CFLAR: variants seen among roughly 807,000 people sequenced by gnomAD.
CFLAR encodes the protein CASP8 and FADD-like apoptosis regulator.
Under a neutral mutation model 51.1 loss-of-function variants are expected in CFLAR, and 14 were observed. The observed-to-expected ratio is 0.27, with a 90% CI of 0.18 to 0.43. The LOEUF is 0.43. CFLAR is among the 20% of genes least tolerant of loss of function. CFLAR has a pLI of 1.00. For missense variants in CFLAR, 390 were observed against 566.5 expected, an observed-to-expected ratio of 0.69 and a Z score of 3.16; for synonymous variants, 210 against 211.6, an observed-to-expected ratio of 0.99 and a Z score of 0.06.
chr2:201,133,928 C>CAAAAA (rs1267307823), intron 3 of CFLAR, among the ~76,000 whole-genome samples: 3 of 49,836 alleles, frequency 6.0e-5, no homozygotes, highest in Admixed American at 2.7e-4. Flanking sequence ...GACTCCATCT[C>CAAAAA]AAAAAAAAAA....
chr2:201,176,283 G>GC lies in CFLAR; in HGVS notation c.*12310_*12311insC, dbSNP rs374218519. 8 of 127,428 alleles carry GC rather than the reference G, an allele frequency of 6.3e-5. No homozygotes were observed. Among genetic ancestry groups the GC allele is most frequent in the Admixed American group, 6.0e-4 (8 of 13,358 alleles). The allele number at this position is 127,428 out of a possible 1,614,324, so 7.9% of individuals were successfully genotyped here. A position where few individuals can be genotyped will look rare whatever the true frequency, so the allele number is the denominator to read the frequency against. On this transcript the variant is annotated 3_prime_UTR_variant, in exon 10 of 10. Coordinates refer to ENST00000309955, the MANE Select transcript of CFLAR (RefSeq NM_003879.7). ...GTCTCAGGTGTTTTCTATTGCGGGG[G>GC]GGGGGGGCGGGCGGGGGAGCTGCCT...
At position 201,135,550 on chromosome 2, in the gene CFLAR, C is replaced by T. The variant is rs537603096; in HGVS notation, c.388-422C>T. ...TCTGGTTTAAGATCACTGAAGGTCA[C>T]TGAAAGGGCTCATCTTGTCACATTT... On this transcript the variant is annotated intron_variant, in intron 3 of 9. Coordinates refer to ENST00000309955, the MANE Select transcript of CFLAR (RefSeq NM_003879.7). Among the ~76,000 whole-genome samples the T allele has an allele frequency of 8.5e-4, 130 of 152,274 alleles. 1 individual carries two copies. Among genetic ancestry groups the T allele is most frequent in the Non-Finnish European group, 1.1e-3 (78 of 68,024 alleles).
chr2:201,117,821 T>C (rs2881928), intron 1 of CFLAR, among the ~76,000 whole-genome samples: 45,733 of 149,196 alleles, frequency 0.31, 9,835 homozygotes, highest in African/African-American at 0.61. Flanking sequence ...AATGGCACTA[T>C]CTCTGCTCAC....
At position 201,173,034 on chromosome 2, in the gene CFLAR, T is replaced by C. The variant is rs1199674867; in HGVS notation, c.*9061T>C. ...CCACCAGCAGTGTATGAGGTTTTTT[T>C]TATTTTTTTGTTTTTGAGACGGAGT... On this transcript the variant is annotated 3_prime_UTR_variant, in exon 10 of 10. Transcript: ENST00000309955. 1 of 152,238 alleles carries C rather than the reference T, an allele frequency of 6.6e-6. No homozygotes were observed. The highest frequency in any genetic ancestry group is 1.9e-4 in the East Asian group (1 of 5,198). The allele number at this position is 152,238 out of a possible 1,614,324, so 9.4% of individuals were successfully genotyped here. A position where few individuals can be genotyped will look rare whatever the true frequency, so the allele number is the denominator to read the frequency against.
rs1479783976 is a variant in CFLAR at position 201,118,310 on chromosome 2, G to T, written c.-138+1829G>T. Among the ~76,000 whole-genome samples, 3 of 152,148 alleles carry T rather than the reference G, an allele frequency of 2.0e-5. No homozygotes were observed. Among genetic ancestry groups the T allele is most frequent in the Non-Finnish European group, 2.9e-5 (2 of 68,026 alleles). On this transcript the variant is annotated intron_variant, in intron 1 of 9. Transcript: ENST00000309955. This position sits in a 1 kb window ranked among gnomAD's most constrained non-coding sequence, Gnocchi z 5.1. ...CCAAGGTGAAGCCATTTGCAGGGTC[G>T]CTGGGTTTCCCCCTCCCCCCGAAAG... is the stretch of plus-strand genomic sequence containing the variant.
intron 9 of CFLAR, chr2:201,162,757 C>T (rs1943187675): frequency 2.6e-6 from 1 of 386,216 alleles, no homozygotes; most frequent in South Asian, 2.4e-5. Context: ...CACTCACAGC[C>T]TGCCATCACT....
intron 9 of CFLAR, among the ~76,000 whole-genome samples, chr2:201,161,410 AT>A (rs71954106): frequency 2.1e-4 from 22 of 104,402 alleles, no homozygotes; most frequent in Non-Finnish European, 4.1e-4. Flanking sequence ...AAATTTATTT[AT>A]TTTTATTTAT....
chr2:201,160,141 C>T (rs1942830351), intron 8 of CFLAR, among the ~76,000 whole-genome samples: 1 of 152,074 alleles, frequency 6.6e-6, no homozygotes, highest in South Asian at 2.1e-4. Flanking sequence ...AGGTTTTGTC[C>T]CCCCTTGGTT....
rs1169728209 is a variant in CFLAR at position 201,118,645 on chromosome 2, A to C, written c.-138+2164A>C. 6.6e-6 allele frequency: 1 copy of C among 152,000 alleles called. No individual in the cohort carries two copies. The highest frequency in any genetic ancestry group is 1.5e-5 in the Non-Finnish European group (1 of 68,000). 9.4% of individuals were successfully genotyped at this position (152,000 alleles called of 1,614,324 possible). A position where few individuals can be genotyped will look rare whatever the true frequency, so the allele number is the denominator to read the frequency against. ...GGGAATTCCGCAGACAGGATTCTAG[A>C]ATTTATGTCTTGTGTGGTAACATTT... On this transcript the variant is annotated intron_variant, in intron 1 of 9. Coordinates refer to ENST00000309955, the MANE Select transcript of CFLAR (RefSeq NM_003879.7). The surrounding 1 kb of genome is among the most constrained non-coding windows in gnomAD (Gnocchi z 5.1).
chr2:201,133,891 A>G (rs1327268763), intron 3 of CFLAR, among the ~76,000 whole-genome samples: 1 of 144,332 alleles, frequency 6.9e-6, no homozygotes, highest in Non-Finnish European at 1.5e-5. Flanking sequence ...AGATGGCGCC[A>G]CTGCACTCCA....
At chr2:201,117,750 CTTTTTTTTTTTT>C (rs1174973596) in intron 1 of CFLAR, among the ~76,000 whole-genome samples, 2 of 113,888 alleles carry the variant, frequency 1.8e-5, no homozygotes, top group Non-Finnish European at 3.6e-5. Flanking sequence ...GCTCCAAGAT[CTTTTTTTTTTTT>C]TTTTTTTTTT....
At chr2:201,135,150 T>C (rs1445022216) in intron 3 of CFLAR, among the ~76,000 whole-genome samples, 1 of 152,256 alleles carries the variant, frequency 6.6e-6, no homozygotes, top group Non-Finnish European at 1.5e-5. Flanking sequence ...AACCTTGTTG[T>C]AATTTCACTT....
chr2:201,156,650 G>A (rs1031497442), intron 8 of CFLAR, among the ~76,000 whole-genome samples: 1 of 152,092 alleles, frequency 6.6e-6, no homozygotes, highest in Non-Finnish European at 1.5e-5. Context: ...CCTGTGAGTA[G>A]TGCTGACCCT....
intron 2 of CFLAR, among the ~76,000 whole-genome samples, chr2:201,130,353 CTTTTTTTTTT>C (rs771361555): frequency 1.7e-4 from 16 of 92,280 alleles, no homozygotes; most frequent in East Asian, 1.0e-3. Context: ...TTCTTTCTTT[CTTTTTTTTTT>C]TTTTTTTTTT....
At position 201,175,701 on chromosome 2, in the gene CFLAR, G is replaced by T. The variant is rs1944158486; in HGVS notation, c.*11728G>T. On this transcript the variant is annotated 3_prime_UTR_variant, in exon 10 of 10. Transcript: ENST00000309955. ...GTGGACGGTATCCAAGTTACTGGTGGTAAATCTGCAGCAACCTCAATTCTT... is the reference window on the plus strand; with the variant it reads ...GTGGACGGTATCCAAGTTACTGGTGTTAAATCTGCAGCAACCTCAATTCTT... 6.6e-6 allele frequency: 1 copy of T among 152,182 alleles called. No individual in the cohort carries two copies. Among genetic ancestry groups the T allele is most frequent in the East Asian group, 1.9e-4 (1 of 5,200 alleles). 9.4% of individuals were successfully genotyped at this position (152,182 alleles called of 1,614,324 possible).
intron 1 of CFLAR, among the ~76,000 whole-genome samples, chr2:201,120,188 A>ATTT (rs397871722): frequency 7.7e-6 from 1 of 130,416 alleles, no homozygotes; most frequent in Non-Finnish European, 1.7e-5. Flanking sequence ...ACCCAGCTAC[A>ATTT]TTTTTTTTTT....
chr2:201,126,411 T>G (rs997519142), intron 1 of CFLAR, among the ~76,000 whole-genome samples: 1 of 152,174 alleles, frequency 6.6e-6, no homozygotes, highest in African/African-American at 2.4e-5. Flanking sequence ...CATTCTTGGA[T>G]GTGCTGGGAG....
At chr2:201,130,753 G>A (rs548953972) in intron 2 of CFLAR, among the ~76,000 whole-genome samples, 2 of 152,188 alleles carry the variant, frequency 1.3e-5, no homozygotes, top group Non-Finnish European at 2.9e-5. Context: ...ATGACAAGAC[G>A]TGAAGAAAGA....
chr2:201,127,627 C>T (rs1053231334), intron 1 of CFLAR, among the ~76,000 whole-genome samples: 3 of 152,230 alleles, frequency 2.0e-5, no homozygotes, highest in African/African-American at 7.2e-5. Context: ...GCTCTCCTTT[C>T]TCAAGTACTC....
Sources: gnomAD v4.1 joint callset for allele counts (sites outside exome capture counted in the v4.1 genomes callset) on GRCh38, gnomAD v4.1.1 for gene constraint, Gnocchi (gnomAD v3.1) non-coding constraint, MANE v1.5 for transcripts, NCBI Gene and HGNC (gene_info 2026-07-23, HGNC 2026-07-21) for gene names.